SCTR: variants seen among roughly 807,000 people sequenced by gnomAD.
The protein encoded by SCTR is secretin receptor, also known as pancreatic secretin receptor.
A neutral mutation model predicts 60.8 loss-of-function variants in SCTR; 56 were observed. That is an observed-to-expected ratio of 0.92 (90% CI 0.74 to 1.15). SCTR has a LOEUF of 1.15. Ranked by LOEUF, SCTR falls within the 50% of genes most tolerant of loss-of-function variation. The probability of loss-of-function intolerance (pLI) is 0.00; values close to 1 mark genes in which losing one functional copy is unlikely to be tolerated. For missense variants in SCTR, 562 were observed against 550.4 expected (o/e 1.02, Z -0.21); for synonymous variants, 202 against 217.0 (o/e 0.93, Z 0.61).
intron 7 of SCTR, among the ~76,000 whole-genome samples, chr2:119,455,052 A>G (rs915713096): frequency 3.3e-5 from 5 of 151,740 alleles, no homozygotes; most frequent in African/African-American, 1.2e-4. Context: ...TTTTTTAAGC[A>G]GAAATACTTA....
chr2:119,475,604 A>ATC (rs35587997), intron 3 of SCTR, among the ~76,000 whole-genome samples: 2 of 13,972 alleles, frequency 1.4e-4, no homozygotes, highest in Non-Finnish European at 1.4e-3. Flanking sequence ...ATGTTTGTGC[A>ATC]TATATATATA....
intron 10 of SCTR, 76 bp from the exon 11 acceptor site, chr2:119,446,961 C>CCTA: frequency 7.5e-7 from 1 of 1,326,126 alleles, no homozygotes; most frequent in Non-Finnish European, 9.7e-7. Context: ...CACAGCTGTG[C>CCTA]CACTCCCCAG....
intron 1 of SCTR, among the ~76,000 whole-genome samples, chr2:119,497,483 A>C (rs1397779515): frequency 6.6e-6 from 1 of 152,244 alleles, no homozygotes; most frequent in Non-Finnish European, 1.5e-5. Flanking sequence ...CATAATTAAC[A>C]GATGCCAACA....
chr2:119,470,362 T>C (rs951267069), intron 4 of SCTR, among the ~76,000 whole-genome samples: 2 of 152,196 alleles, frequency 1.3e-5, no homozygotes, highest in African/African-American at 4.8e-5. Flanking sequence ...AGAAATAGGA[T>C]GGTTTAAATC....
In SCTR at chr2:119,473,522, C is replaced by G; in HGVS notation, c.336G>C (p.Trp112Cys). Residue 112 changes from tryptophan (W) to cysteine (C), a missense_variant, in exon 4 of 13, where the codon TGG (tryptophan) becomes TGC (cysteine). Trp to Cys is a radical substitution (Grantham distance 215). Coordinates refer to ENST00000019103, the MANE Select transcript of SCTR (RefSeq NM_002980.3). Reference protein sequence around the residue: ...SLFRNCTQDGWSETFPRPNLA... With the variant: ...SLFRNCTQDGCSETFPRPNLA... ...GATTAGGCCTGGGGAAGGTTTCTGACCAGCCATCCTGTGTGCAGTTTCGGA... is the reference window on the plus strand; with the variant it reads ...GATTAGGCCTGGGGAAGGTTTCTGAGCAGCCATCCTGTGTGCAGTTTCGGA... The G allele has an allele frequency of 1.9e-6, 3 of 1,614,038 alleles. No individual in the cohort carries two copies. In the South Asian group the frequency reaches 3.3e-5, roughly 18 times the overall value.
Position 119,494,483 on chromosome 2 carries a change from C to A in SCTR, c.138G>T (p.Leu46=), listed in dbSNP as rs765084348. Residue 46 remains leucine (L), a synonymous_variant, in exon 2 of 13, where the codon CTG becomes CTT. Coordinates refer to ENST00000019103, the MANE Select transcript of SCTR (RefSeq NM_002980.3). ...CTGTCTGCTCTCTGGAGAGTTCCTG[C>A]AGGCACTGGTCTTGCTCTTCCCACA... ...QVLWEEQDQC[L]QELSREQTGD... is the part of the protein sequence containing the mutation. The A allele has an allele frequency of 3.7e-6, 6 of 1,614,082 alleles. No homozygotes were observed. The highest frequency in any genetic ancestry group is 1.1e-5 in the South Asian group (1 of 91,076).
chr2:119,447,763 G>A (rs1682988858), intron 10 of SCTR, among the ~76,000 whole-genome samples: 1 of 152,154 alleles, frequency 6.6e-6, no homozygotes, highest in African/African-American at 2.4e-5. Flanking sequence ...GCAAAGACGA[G>A]GTTTCACCAT....
At chr2:119,446,726 T>C in intron 11 of SCTR, 33 bp downstream of exon 11, 2 of 1,453,246 alleles carry the variant, frequency 1.4e-6, no homozygotes, top group Non-Finnish European at 1.8e-6. Context: ...GAACTCCTCT[T>C]TTCAGCTGGC....
Position 119,440,139 on chromosome 2 carries a change from G to T in SCTR, c.1301C>A (p.Thr434Asn). 6.2e-7 allele frequency: 1 copy of T among 1,613,936 alleles called. No individual in the cohort carries two copies. The highest frequency in any genetic ancestry group is 8.5e-7 in the Non-Finnish European group (1 of 1,179,938). The change falls in exon 13 of 13, where the codon ACC (threonine) becomes AAC (asparagine). Residue 434 changes from threonine (T) to asparagine (N), a missense_variant. Coordinates refer to ENST00000019103, the MANE Select transcript of SCTR (RefSeq NM_002980.3). ...KASHLEQSQGTCRTSII is the reference protein window; with the variant it reads ...KASHLEQSQGNCRTSII Reference sequence around the variant, plus strand: ...CTCTCAGATGATGCTGGTCCTGCAGGTGCCCTGGCTCTGCTCCAAGTGGCT... The same window carrying T: ...CTCTCAGATGATGCTGGTCCTGCAGTTGCCCTGGCTCTGCTCCAAGTGGCT...
intron 11 of SCTR, among the ~76,000 whole-genome samples, chr2:119,445,134 C>G (rs1402272081): frequency 2.0e-5 from 3 of 151,900 alleles, no homozygotes; most frequent in African/African-American, 7.3e-5. Flanking sequence ...AACCATTAGC[C>G]CCAACTCTGA....
At chr2:119,502,652 A>G (rs1181610288) in intron 1 of SCTR, among the ~76,000 whole-genome samples, 1 of 152,174 alleles carries the variant, frequency 6.6e-6, no homozygotes, top group Admixed American at 6.5e-5. Flanking sequence ...ATGGATAAAC[A>G]GATCATAATA....
At chr2:119,450,353 C>T (rs1390582904) in intron 9 of SCTR, among the ~76,000 whole-genome samples, 1 of 152,130 alleles carries the variant, frequency 6.6e-6, no homozygotes, top group Admixed American at 6.5e-5. Context: ...AGCTGGCCGT[C>T]CTTCATCCAG....
chr2:119,498,874 T>C (rs1270894963), intron 1 of SCTR, among the ~76,000 whole-genome samples: 3 of 151,988 alleles, frequency 2.0e-5, no homozygotes, highest in Non-Finnish European at 4.4e-5. Context: ...ATTGAAGCCC[T>C]CACATATCAA....
chr2:119,446,444 T>G (rs1485256176), intron 11 of SCTR, among the ~76,000 whole-genome samples: 1 of 152,170 alleles, frequency 6.6e-6, no homozygotes, highest in Non-Finnish European at 1.5e-5. Context: ...GACTTGGCCA[T>G]CCGCGCTTAC....
chr2:119,440,665 T>C (rs1462308018), intron 12 of SCTR, among the ~76,000 whole-genome samples: 2 of 152,074 alleles, frequency 1.3e-5, no homozygotes, highest in Non-Finnish European at 2.9e-5. Context: ...GAGGGCCAGC[T>C]TAGAGGAGGG....
chr2:119,470,671 T>G (rs1385185321), intron 4 of SCTR, among the ~76,000 whole-genome samples: 1 of 152,182 alleles, frequency 6.6e-6, no homozygotes, highest in African/African-American at 2.4e-5. Context: ...TCGTACTGAT[T>G]AGTGTAAACC....
At chr2:119,461,711 CAA>C (rs539293803) in intron 7 of SCTR, 134 bp downstream of exon 7, 46,500 of 290,022 alleles carry the variant, frequency 0.16, 728 homozygotes, top group East Asian at 0.23. Context: ...AACTCCAACT[CAA>C]AAAAAAAAAA....
Position 119,444,393 on chromosome 2 carries a change from A to ATATATACGTATGAATATATATACC in SCTR, c.1140+2365_1140+2366insGGTATATATATTCATACGTATATA, listed in dbSNP as rs1682805081. The stretch of plus-strand genomic sequence containing the variant: ...CATATATACGTATGAATATATATAC[A>ATATATACGTATGAATATATATACC]CATATACGTATGAATATATATACCC... On this transcript the variant is annotated intron_variant, in intron 11 of 12. Coordinates refer to ENST00000019103, the MANE Select transcript of SCTR (RefSeq NM_002980.3). 2.1e-5 allele frequency among the ~76,000 whole-genome samples: 3 copies of ATATATACGTATGAATATATATACC among 144,798 alleles called. 1 individual carries two copies. Among genetic ancestry groups the ATATATACGTATGAATATATATACC allele is most frequent in the African/African-American group, 7.8e-5 (3 of 38,672 alleles). 95.0% of individuals were successfully genotyped at this position (144,798 alleles called of 152,430 possible).
Position 119,519,862 on chromosome 2 carries a change from G to GA in SCTR, c.72+4292dup, listed in dbSNP as rs375269132. Reference sequence around the variant, plus strand: ...AAAAGAAAAACAAAGAAAAAAAAAAGAAAAAAAAACAAAAAAGAAGTTCCA... The same window carrying GA: ...AAAAGAAAAACAAAGAAAAAAAAAAGAAAAAAAAAACAAAAAAGAAGTTCCA... On this transcript the variant is annotated intron_variant, in intron 1 of 12. Transcript: ENST00000019103. 5.7e-4 allele frequency among the ~76,000 whole-genome samples: 54 copies of GA among 95,466 alleles called. No individual in the cohort carries two copies. In the Middle Eastern group the frequency reaches 0.024, roughly 43 times the overall value. The allele number at this position is 95,466 out of a possible 152,430, so 62.6% of individuals were successfully genotyped here. A position where few individuals can be genotyped will look rare whatever the true frequency, so the allele number is the denominator to read the frequency against.
Sources: allele counts gnomAD v4.1 joint callset (sites outside exome capture counted in the v4.1 genomes callset), GRCh38; gene constraint gnomAD v4.1.1; transcripts MANE v1.5; gene names NCBI Gene and HGNC (gene_info 2026-07-23, HGNC 2026-07-21).